The following NGF variants were observed in gnomAD, a reference collection of about 807,000 sequenced individuals.
NGF encodes nerve growth factor, also known as beta-nerve growth factor.
Under a neutral mutation model 12.8 loss-of-function variants are expected in NGF, and 4 were observed. That is an observed-to-expected ratio of 0.31 (90% CI 0.15 to 0.72). The LOEUF (loss-of-function observed/expected upper bound fraction) is 0.72. Ranked by LOEUF, NGF falls within the 30% of genes least tolerant of loss-of-function variation. NGF has a pLI of 0.69. For synonymous variants in NGF, 140 were observed against 130.0 expected (o/e 1.08, Z -0.52); for missense variants, 283 against 330.8 (o/e 0.86, Z 1.12).
At chr1:115,295,064 C>T (rs1226274469) in intron 1 of NGF, among the ~76,000 whole-genome samples, 1 of 152,182 alleles carries the variant, frequency 6.6e-6, no homozygotes, top group Non-Finnish European at 1.5e-5. Flanking sequence ...AAAAAATCTT[C>T]TCCCTGTGAT....
chr1:115,324,656 C>T (rs1654724701), intron 1 of NGF, among the ~76,000 whole-genome samples: 1 of 152,178 alleles, frequency 6.6e-6, no homozygotes, highest in South Asian at 2.1e-4. Flanking sequence ...AAGAGGGCTA[C>T]TGTGGGTGCA....
chr1:115,292,874 T>C (rs1050138353), intron 2 of NGF, among the ~76,000 whole-genome samples: 3 of 151,978 alleles, frequency 2.0e-5, no homozygotes, highest in Non-Finnish European at 4.4e-5. Flanking sequence ...TAAAAGCACT[T>C]GAAATGCCCA....
Position 115,286,108 on chromosome 1 carries a change from C to T in NGF, c.688G>A (p.Val230Met), listed in dbSNP as rs1653489641. Residue 230 changes from valine to methionine, a missense_variant, in exon 3 of 3, where the codon GTG (valine) becomes ATG (methionine). Val to Met is a conservative substitution (Grantham distance 21). Transcript: ENST00000369512. ...WRFIRIDTAC[V>M]CVLSRKAVRR... ...ACAGCCTTCCTGCTGAGCACACACACACAGGCCGTATCTATCCGGATAAAC... is the reference window on the plus strand; with the variant it reads ...ACAGCCTTCCTGCTGAGCACACACATACAGGCCGTATCTATCCGGATAAAC... The T allele has an allele frequency of 6.2e-7, 1 of 1,613,586 alleles. No homozygotes were observed. The highest frequency in any genetic ancestry group is 8.5e-7 in the Non-Finnish European group (1 of 1,179,806).
chr1:115,300,037 G>A (rs12091513), intron 1 of NGF, among the ~76,000 whole-genome samples: 5,968 of 152,202 alleles, frequency 0.039, 210 homozygotes, highest in East Asian at 0.1. Flanking sequence ...AAAACAAAAC[G>A]GTGCCAGTGA....
intron 1 of NGF, among the ~76,000 whole-genome samples, chr1:115,330,129 C>A (rs1654878008): frequency 6.6e-6 from 1 of 152,156 alleles, no homozygotes; most frequent in Admixed American, 6.5e-5. Flanking sequence ...CCTGCTTGAT[C>A]TTAGTGGATG....
chr1:115,310,771 T>A (rs943885633), intron 1 of NGF, among the ~76,000 whole-genome samples: 10 of 151,980 alleles, frequency 6.6e-5, no homozygotes, highest in African/African-American at 2.4e-4. Flanking sequence ...TGACAGCTTT[T>A]GATTATCTGT....
At chr1:115,312,746 A>T (rs1200907412) in intron 1 of NGF, among the ~76,000 whole-genome samples, 1 of 152,148 alleles carries the variant, frequency 6.6e-6, no homozygotes, top group East Asian at 1.9e-4. Context: ...CTTAATATTG[A>T]CCTTGAAGTC....
chr1:115,304,329 A>ATTTTTTTTTTTTATT (rs1654136053), intron 1 of NGF, among the ~76,000 whole-genome samples: 3 of 80,830 alleles, frequency 3.7e-5, no homozygotes, highest in African/African-American at 1.2e-4. Flanking sequence ...TGCTTGGCTA[A>ATTTTTTTTTTTTATT]TTTTTTTTTT....
At chr1:115,310,425 C>G (rs4417063) in intron 1 of NGF, among the ~76,000 whole-genome samples, 1 of 152,158 alleles carries the variant, frequency 6.6e-6, no homozygotes, top group African/African-American at 2.4e-5. Flanking sequence ...TGTTACTGTT[C>G]CCACCATGGT....
intron 1 of NGF, among the ~76,000 whole-genome samples, chr1:115,329,309 A>T (rs1654849760): frequency 6.6e-6 from 1 of 152,206 alleles, no homozygotes; most frequent in African/African-American, 2.4e-5. Flanking sequence ...CTTAATCTAC[A>T]CAACAGCTAT....
intron 1 of NGF, among the ~76,000 whole-genome samples, chr1:115,300,501 T>C (rs761645016): frequency 1.3e-5 from 2 of 152,172 alleles, no homozygotes; most frequent in African/African-American, 2.4e-5. Context: ...CAAGAAAACA[T>C]GGATCACAAG....
At chr1:115,332,720 C>G (rs1654955306) in intron 1 of NGF, among the ~76,000 whole-genome samples, 1 of 152,128 alleles carries the variant, frequency 6.6e-6, no homozygotes, top group South Asian at 2.1e-4. Flanking sequence ...GATGAGAAAA[C>G]TTAGGGACAG....
At chr1:115,287,358 G>A (rs2101020261) in intron 2 of NGF, among the ~76,000 whole-genome samples, 1 of 152,256 alleles carries the variant, frequency 6.6e-6, no homozygotes, top group African/African-American at 2.4e-5. Context: ...TCTAAGATCT[G>A]GTGACTCGGA....
chr1:115,297,407 T>C (rs1245361306), intron 1 of NGF, among the ~76,000 whole-genome samples: 1 of 152,144 alleles, frequency 6.6e-6, no homozygotes, highest in Non-Finnish European at 1.5e-5. Context: ...TGTGGGCTTC[T>C]TCCCTCTTCT....
At chr1:115,332,125 AGTT>A (rs745586251) in intron 1 of NGF, among the ~76,000 whole-genome samples, 2 of 152,222 alleles carry the variant, frequency 1.3e-5, no homozygotes, top group Non-Finnish European at 2.9e-5. Context: ...GACACAGAGG[AGTT>A]GTTACGTGGA....
intron 1 of NGF, among the ~76,000 whole-genome samples, chr1:115,325,246 G>A (rs1654740885): frequency 6.6e-6 from 1 of 152,072 alleles, no homozygotes. Flanking sequence ...GGTCAGTGTG[G>A]TCACCACACA....
intron 1 of NGF, among the ~76,000 whole-genome samples, chr1:115,318,216 G>A (rs139117549): frequency 2.5e-3 from 375 of 152,310 alleles, no homozygotes; most frequent in African/African-American, 8.7e-3. Context: ...CCAGGGGCAT[G>A]GTTTGGTGAG....
intron 1 of NGF, among the ~76,000 whole-genome samples, chr1:115,314,810 C>T (rs116231225): frequency 0.019 from 2,937 of 152,160 alleles, 77 homozygotes; most frequent in African/African-American, 0.067. Flanking sequence ...CTTAAATTCT[C>T]GTGGAGGTGG....
chr1:115,329,948 G>A (rs960220479), intron 1 of NGF, among the ~76,000 whole-genome samples: 3 of 151,710 alleles, frequency 2.0e-5, no homozygotes, highest in Non-Finnish European at 4.4e-5. Flanking sequence ...TACAGATGGG[G>A]TCTCACTTTG....
Sources: gnomAD v4.1 joint callset for allele counts (sites outside exome capture counted in the v4.1 genomes callset) on GRCh38, gnomAD v4.1.1 for gene constraint, MANE v1.5 for transcripts, NCBI Gene and HGNC (gene_info 2026-07-23, HGNC 2026-07-21) for gene names.